The following PCYT1A variants were observed in gnomAD, a reference collection of about 807,000 sequenced individuals.
PCYT1A encodes phosphate cytidylyltransferase 1A, choline, also known as choline-phosphate cytidylyltransferase A.
PCYT1A carries 25 observed loss-of-function variants against 43.7 expected under a neutral mutation model. The ratio of observed to expected loss-of-function variants is 0.57; its 90% CI spans 0.42 to 0.80. The LOEUF is 0.80. PCYT1A is among the 30% of genes least tolerant of loss of function. PCYT1A has a pLI of 0.00. For missense variants in PCYT1A, 421 were observed against 474.2 expected (o/e 0.89, Z 1.04); for synonymous variants, 172 against 170.7 (o/e 1.01, Z -0.06).
intron 1 of PCYT1A, among the ~76,000 whole-genome samples, chr3:196,286,309 C>T (rs1269325769): frequency 6.6e-6 from 1 of 152,194 alleles, no homozygotes; most frequent in Non-Finnish European, 1.5e-5. Context: ...ACCTCAATTA[C>T]ATTCAGGAAG....
At chr3:196,266,101 T>C (rs1222627809) in intron 2 of PCYT1A, among the ~76,000 whole-genome samples, 3 of 151,898 alleles carry the variant, frequency 2.0e-5, no homozygotes, top group Admixed American at 2.0e-4. Flanking sequence ...AATTCTACTC[T>C]ATGCTCACAT....
Position 196,247,581 on chromosome 3 carries a change from C to T in PCYT1A, c.335-63G>A, listed in dbSNP as rs574108305. The T allele has an allele frequency of 1.8e-5, 26 of 1,474,080 alleles. No individual in the cohort carries two copies. In the African/African-American group the frequency reaches 1.9e-4, roughly 11 times the overall value. 91.3% of individuals were successfully genotyped at this position (1,474,080 alleles called of 1,614,324 possible). A position where few individuals can be genotyped will look rare whatever the true frequency, so the allele number is the denominator to read the frequency against. ...CTTTGCTTAGCACCTCCTCAGCCAC[C>T]GACCTCTCCCATCTTCTCCCACTGC... On this transcript the variant is annotated intron_variant, in intron 4 of 8. Coordinates refer to ENST00000431016, the MANE Select transcript of PCYT1A (RefSeq NM_001312673.2). This position sits in a 1 kb window ranked among gnomAD's most constrained non-coding sequence, Gnocchi z 4.8.
At chr3:196,243,778 C>T (rs948207881) in intron 5 of PCYT1A, among the ~76,000 whole-genome samples, 5 of 125,074 alleles carry the variant, frequency 4.0e-5, no homozygotes, top group Admixed American at 8.2e-5. Context: ...GCGAGTGATC[C>T]GCCAGCCTCG....
At chr3:196,262,040 T>G (rs572642163) in intron 2 of PCYT1A, among the ~76,000 whole-genome samples, 1 of 152,284 alleles carries the variant, frequency 6.6e-6, no homozygotes, top group East Asian at 1.9e-4. Flanking sequence ...TTTAAAACAC[T>G]GTGTTATTCT....
At position 196,247,398 on chromosome 3, in the gene PCYT1A, G is replaced by T. The variant is rs746655391; in HGVS notation, c.455C>A (p.Thr152Lys). The T allele has an allele frequency of 6.2e-7, 1 of 1,614,200 alleles. No homozygotes were observed. Residue 152 changes from threonine (T) to lysine (K), a missense_variant, in exon 5 of 9, where the codon ACG (threonine) becomes AAG (lysine). Transcript: ENST00000431016. This position sits in a 1 kb window ranked among gnomAD's most constrained non-coding sequence, Gnocchi z 4.8. ...VDEVVRNAPW[T>K]LTPEFLAEHR... ...TTCGGCCAGGAACTCGGGTGTCAGC[G>T]TCCAGGGCGCATTCCTCACCACCTC...
chr3:196,245,731 C>G (rs1724543811), intron 5 of PCYT1A, among the ~76,000 whole-genome samples: 1 of 152,014 alleles, frequency 6.6e-6, no homozygotes, highest in South Asian at 2.1e-4. Context: ...GGGTGGATCA[C>G]CTGAGGTCAG....
At chr3:196,281,357 G>A (rs67349960) in intron 1 of PCYT1A, among the ~76,000 whole-genome samples, 55,356 of 152,088 alleles carry the variant, frequency 0.36, 10,817 homozygotes, top group East Asian at 0.82. Flanking sequence ...AAGCTTGAAG[G>A]AGTATATGGC....
intron 3 of PCYT1A, among the ~76,000 whole-genome samples, chr3:196,255,319 C>T (rs139515900): frequency 9.2e-5 from 14 of 152,252 alleles, no homozygotes; most frequent in African/African-American, 2.2e-4. Context: ...GCACCATTCC[C>T]GGGTGAGGTT....
In PCYT1A at chr3:196,274,557, T is replaced by C. The variant is rs116249250; in HGVS notation, c.-10-4016A>G. ...ATTGGGGGTAGGGGAAACTCTATGATAAACTGTCATCTCTGCACAAGATAC... is the reference window on the plus strand; with the variant it reads ...ATTGGGGGTAGGGGAAACTCTATGACAAACTGTCATCTCTGCACAAGATAC... On this transcript the variant is annotated intron_variant, in intron 1 of 8. Transcript: ENST00000431016. 5.0e-3 allele frequency among the ~76,000 whole-genome samples: 758 copies of C among 152,342 alleles called. 5 individuals carry two copies. Among genetic ancestry groups the C allele is most frequent in the Non-Finnish European group, 8.1e-3 (554 of 68,034 alleles).
intron 1 of PCYT1A, among the ~76,000 whole-genome samples, chr3:196,279,669 G>C (rs1346139420): frequency 1.3e-5 from 2 of 151,978 alleles, no homozygotes. Flanking sequence ...GTGGAGGGAG[G>C]GGTGGCACTG....
At chr3:196,251,051 C>T (rs1202141389) in intron 3 of PCYT1A, among the ~76,000 whole-genome samples, 3 of 145,808 alleles carry the variant, frequency 2.1e-5, no homozygotes, top group African/African-American at 5.1e-5. Context: ...CATGCTGAGG[C>T]TGAGGACCAG....
intron 3 of PCYT1A, among the ~76,000 whole-genome samples, chr3:196,249,775 G>A (rs73084695): frequency 0.1 from 15,145 of 146,912 alleles, 766 homozygotes; most frequent in South Asian, 0.17. Context: ...ACTATGCTGA[G>A]GTTGAGGATC....
At chr3:196,244,660 T>G (rs1415898460) in intron 5 of PCYT1A, among the ~76,000 whole-genome samples, 1 of 152,034 alleles carries the variant, frequency 6.6e-6, no homozygotes, top group Non-Finnish European at 1.5e-5. Context: ...AAGGGGGAAA[T>G]GTGGGGAAAA....
chr3:196,247,223 G>C lies in PCYT1A; in HGVS notation c.486+144C>G. ...ACGTCAGGGGTGACTGTTATCACTA[G>C]TAATATCACTGTCATCTCCTACGAA... is the stretch of plus-strand genomic sequence containing the variant. On this transcript the variant is annotated intron_variant, in intron 5 of 8. Coordinates refer to ENST00000431016, the MANE Select transcript of PCYT1A (RefSeq NM_001312673.2). The surrounding 1 kb of genome is among the most constrained non-coding windows in gnomAD (Gnocchi z 4.8). 1 of 819,896 alleles carries C rather than the reference G, an allele frequency of 1.2e-6. No homozygotes were observed. The highest frequency in any genetic ancestry group is 1.7e-5 in the African/African-American group (1 of 59,174). 50.8% of individuals were successfully genotyped at this position (819,896 alleles called of 1,614,324 possible). A position where few individuals can be genotyped will look rare whatever the true frequency, so the allele number is the denominator to read the frequency against.
At chr3:196,275,688 G>A (rs914958111) in intron 1 of PCYT1A, among the ~76,000 whole-genome samples, 6 of 151,382 alleles carry the variant, frequency 4.0e-5, no homozygotes, top group Non-Finnish European at 5.9e-5. Context: ...AGCTGAGATC[G>A]CACCACTGCA....
At chr3:196,245,143 CTTT>C (rs780768606) in intron 5 of PCYT1A, among the ~76,000 whole-genome samples, 6 of 142,070 alleles carry the variant, frequency 4.2e-5, no homozygotes, top group Non-Finnish European at 3.1e-5. Flanking sequence ...CATTTCACTA[CTTT>C]TTTTTTTTTT....
At chr3:196,241,619 A>AG (rs1373541977) in intron 7 of PCYT1A, 2 of 1,324,742 alleles carry the variant, frequency 1.5e-6, no homozygotes, top group African/African-American at 3.0e-5. Context: ...AGCCTTTCGC[A>AG]GGTTCCCAAG....
intron 3 of PCYT1A, among the ~76,000 whole-genome samples, chr3:196,254,866 T>C (rs554720347): frequency 6.6e-6 from 1 of 152,306 alleles, no homozygotes; most frequent in South Asian, 2.1e-4. Flanking sequence ...AACATTCTGT[T>C]CCTAACATTT....
intron 5 of PCYT1A, among the ~76,000 whole-genome samples, chr3:196,245,224 C>T (rs1457941127): frequency 6.6e-6 from 1 of 151,838 alleles, no homozygotes; most frequent in Non-Finnish European, 1.5e-5. Flanking sequence ...TCACTGAAAC[C>T]TCTGCCTCCT....
Sources: gnomAD v4.1 joint callset for allele counts (sites outside exome capture counted in the v4.1 genomes callset) on GRCh38, gnomAD v4.1.1 for gene constraint, Gnocchi (gnomAD v3.1) non-coding constraint, MANE v1.5 for transcripts, NCBI Gene and HGNC (gene_info 2026-07-23, HGNC 2026-07-21) for gene names.